PHF21B: variants seen among roughly 807,000 people sequenced by gnomAD.
PHF21B encodes the protein PHD finger protein 4.
PHF21B carries 22 observed loss-of-function variants against 62.2 expected under a neutral mutation model. The ratio of observed to expected loss-of-function variants is 0.35; its 90% CI spans 0.25 to 0.51. The LOEUF is 0.51. PHF21B is among the 20% of genes least tolerant of loss of function. The pLI, the probability that PHF21B is intolerant of heterozygous loss-of-function variation, is 0.97. For missense variants in PHF21B, 701 were observed against 707.9 expected, an observed-to-expected ratio of 0.99 and a Z score of 0.11; for synonymous variants, 341 against 314.7, an observed-to-expected ratio of 1.08 and a Z score of -0.88.
chr22:44,900,542 C>G (rs998086541), intron 5 of PHF21B, among the ~76,000 whole-genome samples: 3 of 152,190 alleles, frequency 2.0e-5, no homozygotes, highest in African/African-American at 7.2e-5. Context: ...CTCAAGTGAT[C>G]CACCCGCCTC....
intron 2 of PHF21B, among the ~76,000 whole-genome samples, chr22:44,982,804 C>A (rs886064437): frequency 6.6e-6 from 1 of 152,068 alleles, no homozygotes. Context: ...GTGTGTATTA[C>A]GGGAGCAGCA....
At chr22:44,976,062 T>C (rs1366393237) in intron 2 of PHF21B, among the ~76,000 whole-genome samples, 1 of 152,130 alleles carries the variant, frequency 6.6e-6, no homozygotes, top group Non-Finnish European at 1.5e-5. Context: ...TCCCAGCTAC[T>C]CAGGAGGCTG....
At chr22:44,971,892 G>A (rs79911776) in intron 2 of PHF21B, among the ~76,000 whole-genome samples, 2,859 of 152,316 alleles carry the variant, frequency 0.019, 86 homozygotes, top group African/African-American at 0.064. Flanking sequence ...CACAAAGTAA[G>A]GCATGAAGCA....
chr22:45,001,986 A>C (rs1397026048), intron 2 of PHF21B: 10 of 152,270 alleles, frequency 6.6e-5, no homozygotes, highest in Non-Finnish European at 1.5e-4. Flanking sequence ...TGCTTTTCTA[A>C]GAAAAACCTT....
chr22:44,893,163 C>G lies in PHF21B; in HGVS notation c.960+294G>C, dbSNP rs2070995802. On this transcript the variant is annotated intron_variant, in intron 7 of 12. Transcript: ENST00000313237. Reference sequence around the variant, plus strand: ...GCCTGTGACCGGAGATTTGCCTGATCATTCAGGGTGAAGAGGCAAGAAGCC... The same window carrying G: ...GCCTGTGACCGGAGATTTGCCTGATGATTCAGGGTGAAGAGGCAAGAAGCC... 6.6e-5 allele frequency among the ~76,000 whole-genome samples: 10 copies of G among 152,348 alleles called. No individual in the cohort carries two copies. In the South Asian group the frequency reaches 2.1e-3, roughly 32 times the overall value.
chr22:45,001,148 T>C (rs1330451336), intron 2 of PHF21B: 3 of 152,580 alleles, frequency 2.0e-5, no homozygotes, highest in South Asian at 4.1e-4. Context: ...GGGGCTAACA[T>C]GGAGGCATTC....
intron 2 of PHF21B, among the ~76,000 whole-genome samples, chr22:44,994,515 T>G (rs533092402): frequency 3.9e-5 from 6 of 152,346 alleles, no homozygotes; most frequent in African/African-American, 1.4e-4. Context: ...CCTTTCAGAC[T>G]TCTGGCCTCC....
chr22:45,007,020 C>T (rs1261431727), intron 2 of PHF21B, among the ~76,000 whole-genome samples: 1 of 152,106 alleles, frequency 6.6e-6, no homozygotes, highest in Non-Finnish European at 1.5e-5. Context: ...GCCAACTCCC[C>T]GACTTCGCCG....
At chr22:44,939,306 G>T (rs1197100824) in intron 2 of PHF21B, among the ~76,000 whole-genome samples, 1 of 152,232 alleles carries the variant, frequency 6.6e-6, no homozygotes, top group African/African-American at 2.4e-5. Context: ...TTAGGTAAGT[G>T]GAGAAGGAGA....
intron 2 of PHF21B, among the ~76,000 whole-genome samples, chr22:44,929,587 C>A (rs1280322361): frequency 3.9e-5 from 6 of 152,360 alleles, no homozygotes; most frequent in Admixed American, 3.9e-4. Context: ...GACTTCTGGA[C>A]TGGCGCTGGT....
At chr22:44,927,398 A>G (rs2071653576) in intron 2 of PHF21B, among the ~76,000 whole-genome samples, 1 of 152,178 alleles carries the variant, frequency 6.6e-6, no homozygotes, top group South Asian at 2.1e-4. Context: ...TTAGCTAGGC[A>G]GGCAGAAAGA....
intron 2 of PHF21B, among the ~76,000 whole-genome samples, chr22:44,935,100 A>C (rs1048932445): frequency 2.0e-5 from 3 of 152,200 alleles, no homozygotes; most frequent in African/African-American, 7.2e-5. Context: ...GGATCACGGC[A>C]ATCGGTCCAG....
intron 7 of PHF21B, among the ~76,000 whole-genome samples, chr22:44,892,616 G>T (rs765205989): frequency 2.6e-5 from 4 of 152,210 alleles, no homozygotes; most frequent in Non-Finnish European, 5.9e-5. Flanking sequence ...GTTTCCCTCA[G>T]GACAGCTGTC....
intron 5 of PHF21B, among the ~76,000 whole-genome samples, chr22:44,905,527 A>G (rs1601585359): frequency 6.6e-6 from 1 of 152,204 alleles, no homozygotes. Flanking sequence ...GAATAAATTC[A>G]TGTTCGAAAT....
intron 2 of PHF21B, chr22:44,967,148 G>A (rs1419553533): frequency 6.6e-6 from 1 of 152,240 alleles, no homozygotes; most frequent in Non-Finnish European, 1.5e-5. Context: ...CTCACGGGGG[G>A]TGGCCACCAA....
At chr22:44,909,703 G>A (rs887671475) in intron 5 of PHF21B, among the ~76,000 whole-genome samples, 4 of 152,212 alleles carry the variant, frequency 2.6e-5, no homozygotes, top group African/African-American at 9.7e-5. Flanking sequence ...TGCTCTGGGT[G>A]TGTGGAATCC....
At chr22:44,956,406 C>T (rs1380873401) in intron 2 of PHF21B, among the ~76,000 whole-genome samples, 1 of 152,170 alleles carries the variant, frequency 6.6e-6, no homozygotes, top group Non-Finnish European at 1.5e-5. Context: ...GGGTGACAGC[C>T]TGGATTAAAC....
At chr22:44,955,110 TAAG>T (rs998662486) in intron 2 of PHF21B, among the ~76,000 whole-genome samples, 4 of 152,304 alleles carry the variant, frequency 2.6e-5, no homozygotes, top group East Asian at 1.9e-4. Context: ...AATGGCCGGT[TAAG>T]AAGAAGTCAG....
chr22:44,919,953 G>A (rs934206104), intron 3 of PHF21B, among the ~76,000 whole-genome samples: 1 of 152,222 alleles, frequency 6.6e-6, no homozygotes, highest in Non-Finnish European at 1.5e-5. Context: ...AGAAGCCAGG[G>A]CACCTGGCCC....
Sources: gnomAD v4.1 joint callset for allele counts (sites outside exome capture counted in the v4.1 genomes callset) on GRCh38, gnomAD v4.1.1 for gene constraint, MANE v1.5 for transcripts, NCBI Gene and HGNC (gene_info 2026-07-23, HGNC 2026-07-21) for gene names.